Variants in SPATA6 observed in about 807,000 individuals in gnomAD.
The protein encoded by SPATA6 is spermatogenesis-associated protein 6.
Under a neutral mutation model 65.3 loss-of-function variants are expected in SPATA6, and 56 were observed. The ratio of observed to expected loss-of-function variants is 0.86; its 90% confidence interval spans 0.69 to 1.07. The LOEUF (loss-of-function observed/expected upper bound fraction) is 1.07, where lower values mean the gene tolerates loss of function less well. Ranked by LOEUF, SPATA6 falls within the 50% of genes least tolerant of loss-of-function variation. The probability of loss-of-function intolerance (pLI) is 0.00; values close to 1 mark genes in which losing one functional copy is unlikely to be tolerated. For missense variants in SPATA6, 590 were observed against 594.8 expected (o/e 0.99, Z 0.08); for synonymous variants, 199 against 213.2 (o/e 0.93, Z 0.58).
At chr1:48,324,010 T>C (rs1645681476) in intron 11 of SPATA6, among the ~76,000 whole-genome samples, 1 of 152,168 alleles carries the variant, frequency 6.6e-6, no homozygotes, top group South Asian at 2.1e-4. Flanking sequence ...AGGACAGCGG[T>C]GTGATCACAG....
rs1288394369 is a variant in SPATA6, at chr1:48,385,367, A to G, written c.869-18T>C. ...AGAATGATCTGAAAAAGGAAGTACA[A>G]AACAATTAAAGTTTAAATTTGGTTT... On this transcript the variant is annotated intron_variant, in intron 8 of 12. Transcript: ENST00000371847. 1 of 1,603,884 alleles carries G rather than the reference A, an allele frequency of 6.2e-7. No homozygotes were observed. The highest frequency in any genetic ancestry group is 1.1e-5 in the South Asian group (1 of 88,468).
At chr1:48,317,995 G>T (rs1040502308) in intron 11 of SPATA6, among the ~76,000 whole-genome samples, 2 of 152,124 alleles carry the variant, frequency 1.3e-5, no homozygotes, top group Non-Finnish European at 2.9e-5. Flanking sequence ...ATGCAAGGTT[G>T]ACTCATATAA....
intron 11 of SPATA6, among the ~76,000 whole-genome samples, chr1:48,344,578 A>C (rs1478460185): frequency 6.6e-6 from 1 of 152,132 alleles, no homozygotes; most frequent in East Asian, 1.9e-4. Context: ...TAAAAGACAG[A>C]TAGGCAAGCT....
At chr1:48,298,924 A>T (rs745488591) in intron 12 of SPATA6, 31 bp from the exon 13 acceptor site, 2 of 1,596,224 alleles carry the variant, frequency 1.3e-6, no homozygotes, top group Admixed American at 3.5e-5. Flanking sequence ...GGTTCAAAAC[A>T]ATAATGAAAC....
At chr1:48,329,681 G>A (rs1027652440) in intron 11 of SPATA6, among the ~76,000 whole-genome samples, 9 of 152,324 alleles carry the variant, frequency 5.9e-5, no homozygotes, top group Admixed American at 3.9e-4. Context: ...GCTGCAGGCC[G>A]CTCATATGAG....
chr1:48,373,650 G>C (rs1647556233), intron 9 of SPATA6, among the ~76,000 whole-genome samples: 1 of 152,158 alleles, frequency 6.6e-6, no homozygotes, highest in Admixed American at 6.5e-5. Context: ...CACAAGACTG[G>C]GAAGAAAAGG....
intron 11 of SPATA6, among the ~76,000 whole-genome samples, chr1:48,353,192 C>G (rs1646560602): frequency 6.6e-6 from 1 of 151,154 alleles, no homozygotes; most frequent in African/African-American, 2.4e-5. Flanking sequence ...AATTAAGATG[C>G]CTGATAATAG....
At chr1:48,420,210 G>T (rs1653194264) in intron 3 of SPATA6, among the ~76,000 whole-genome samples, 1 of 152,102 alleles carries the variant, frequency 6.6e-6, no homozygotes, top group South Asian at 2.1e-4. Flanking sequence ...GTTCCTGGAG[G>T]GTGGCTCATC....
In SPATA6 at chr1:48,345,433, A is replaced by G. The variant is rs1457816316; in HGVS notation, c.1194+10237T>C. ...AAAACAACATAACATCACAACTAAA[A>G]GAAGTAGAGAACCAAGAGCAAGCAA... On this transcript the variant is annotated intron_variant, in intron 11 of 12. Transcript: ENST00000371847. Among the ~76,000 whole-genome samples the G allele has an allele frequency of 2.0e-5, 3 of 152,114 alleles. No individual in the cohort carries two copies. In the South Asian group the frequency reaches 6.2e-4, roughly 32 times the overall value.
At chr1:48,436,210 A>C (rs1286927404) in intron 3 of SPATA6, 7 of 1,612,812 alleles carry the variant, frequency 4.3e-6, no homozygotes, top group Non-Finnish European at 5.1e-6. Flanking sequence ...GCATACTCCC[A>C]CGGGAACACT....
chr1:48,341,097 G>T (rs1298763012), intron 11 of SPATA6, among the ~76,000 whole-genome samples: 1 of 152,164 alleles, frequency 6.6e-6, no homozygotes, highest in African/African-American at 2.4e-5. Flanking sequence ...CAGTGTGCTA[G>T]CAAGGATGGG....
chr1:48,302,932 T>C (rs2148646701), intron 12 of SPATA6, among the ~76,000 whole-genome samples: 1 of 152,092 alleles, frequency 6.6e-6, no homozygotes, highest in Middle Eastern at 3.4e-3. Context: ...CAAACCATTA[T>C]TGTTTCTGTT....
chr1:48,318,707 C>G (rs1016263697), intron 11 of SPATA6, among the ~76,000 whole-genome samples: 2 of 152,066 alleles, frequency 1.3e-5, no homozygotes, highest in African/African-American at 4.8e-5. Flanking sequence ...CCAAAATGAT[C>G]TAGAGAGCTA....
At position 48,323,989 on chromosome 1, in the gene SPATA6, G is replaced by A. The variant is rs945880321; in HGVS notation, c.1195-18111C>T. ...TTTTGAGATGGGATCTCACTCTGTTGCCCAGGCTGGAGGACAGCGGTGTGA... is the reference window on the plus strand; with the variant it reads ...TTTTGAGATGGGATCTCACTCTGTTACCCAGGCTGGAGGACAGCGGTGTGA... On this transcript the variant is annotated intron_variant, in intron 11 of 12. Coordinates refer to ENST00000371847, the MANE Select transcript of SPATA6 (RefSeq NM_019073.4). 3.9e-5 allele frequency among the ~76,000 whole-genome samples: 6 copies of A among 151,962 alleles called. 1 individual carries two copies. The highest frequency in any genetic ancestry group is 8.8e-5 in the Non-Finnish European group (6 of 67,998).
the SPATA6 span, among the ~76,000 whole-genome samples, chr1:48,268,304 A>G: frequency 1.9e-3 from 285 of 149,360 alleles, no homozygotes; most frequent in African/African-American, 6.3e-3. Flanking sequence ...AAATAAAAAT[A>G]TGTGTGTGTG....
chr1:48,300,297 TAG>T (rs1644906764), intron 12 of SPATA6, among the ~76,000 whole-genome samples: 4 of 152,166 alleles, frequency 2.6e-5, no homozygotes, highest in African/African-American at 9.7e-5. Context: ...TTTTATAGAT[TAG>T]ACCTTCCAGG....
intron 11 of SPATA6, among the ~76,000 whole-genome samples, chr1:48,342,292 T>C (rs1646240193): frequency 1.3e-5 from 2 of 152,152 alleles, no homozygotes; most frequent in Non-Finnish European, 2.9e-5. Context: ...TGACTGCAGC[T>C]ATACAGCAAT....
At chr1:48,343,179 A>C (rs1159119339) in intron 11 of SPATA6, among the ~76,000 whole-genome samples, 1 of 152,184 alleles carries the variant, frequency 6.6e-6, no homozygotes, top group South Asian at 2.1e-4. Context: ...TCTGGGACTC[A>C]TCTATGTGGC....
chr1:48,339,417 G>A (rs1188006728), intron 11 of SPATA6, among the ~76,000 whole-genome samples: 1 of 151,944 alleles, frequency 6.6e-6, no homozygotes, highest in East Asian at 1.9e-4. Flanking sequence ...AATGTTATTG[G>A]TAAGTGAGAG....
Sources: gnomAD v4.1 joint callset for allele counts (sites outside exome capture counted in the v4.1 genomes callset) on GRCh38, gnomAD v4.1.1 for gene constraint, MANE v1.5 for transcripts, NCBI Gene and HGNC (gene_info 2026-07-23, HGNC 2026-07-21) for gene names.